The following DBR1 variants were observed in gnomAD, a reference collection of about 807,000 sequenced individuals.
DBR1 encodes the protein lariat debranching enzyme.
A neutral mutation model predicts 45.9 loss-of-function variants in DBR1; 33 were observed. The observed-to-expected ratio is 0.72, with a 90% CI of 0.55 to 0.96. The LOEUF (loss-of-function observed/expected upper bound fraction) is 0.96, where lower values mean the gene tolerates loss of function less well. DBR1 is among the 40% of genes least tolerant of loss of function. The probability of loss-of-function intolerance (pLI) is 0.00; values close to 1 mark genes in which losing one functional copy is unlikely to be tolerated. For missense variants in DBR1, 619 were observed against 667.4 expected (o/e 0.93, Z 0.80); for synonymous variants, 235 against 235.9 (o/e 1.00, Z 0.04).
At chr3:138,173,684 G>C (rs2107906951) in intron 1 of DBR1, 58 bp from the exon 2 acceptor site, 1 of 1,450,060 alleles carries the variant, frequency 6.9e-7, no homozygotes, top group Non-Finnish European at 9.2e-7. Context: ...AAGCAAATAA[G>C]TTCCGAAAAA....
intron 5 of DBR1, among the ~76,000 whole-genome samples, chr3:138,165,134 G>A (rs2042924510): frequency 6.6e-6 from 1 of 152,138 alleles, no homozygotes; most frequent in South Asian, 2.1e-4. Context: ...AGGCAGTTGT[G>A]ATCTTGTTCC....
Position 138,162,272 on chromosome 3 carries a change from T to G in DBR1, c.1252A>C (p.Thr418Pro). Residue 418 changes from threonine to proline, a missense_variant, in exon 8 of 8, where the codon ACA becomes CCA. Thr to Pro is a conservative substitution (Grantham distance 38, BLOSUM62 -1). Around this residue, in one of 3 missense-constraint regions of DBR1, gnomAD observed 182 missense variants for 196.1 expected, o/e 0.93. Transcript: ENST00000260803. The stretch of plus-strand genomic sequence containing the variant: ...GGATTAATAGAAGACAGAGCAGATG[T>G]GTCTGTATTATATTCACTCTGGTCT... ...GEDQSEYNTD[T>P]SALSSINPDE... 1 of 1,613,944 alleles carries G rather than the reference T, an allele frequency of 6.2e-7. No homozygotes were observed. The highest frequency in any genetic ancestry group is 1.1e-5 in the South Asian group (1 of 91,082).
chr3:138,161,804 C>T lies in DBR1; in HGVS notation c.*85G>A. ...GAGGTTGCGGTGAGCCGAGATCACG[C>T]CATTGCACTCCAGTCTAGGTGACAA... On this transcript the variant is annotated 3_prime_UTR_variant, in exon 8 of 8. Transcript: ENST00000260803. 1 of 1,090,772 alleles carries T rather than the reference C, an allele frequency of 9.2e-7. No individual in the cohort carries two copies. Among genetic ancestry groups the T allele is most frequent in the South Asian group, 1.4e-5 (1 of 71,370 alleles). The allele number at this position is 1,090,772 out of a possible 1,614,324, so 67.6% of individuals were successfully genotyped here.
chr3:138,173,971 A>G (rs940642136), intron 1 of DBR1, among the ~76,000 whole-genome samples: 1 of 150,308 alleles, frequency 6.7e-6, no homozygotes, highest in African/African-American at 2.5e-5. Flanking sequence ...CAGTGGGTCA[A>G]TATCGCGGTA....
At chr3:138,168,646 A>G (rs116084832) in intron 4 of DBR1, among the ~76,000 whole-genome samples, 292 of 152,030 alleles carry the variant, frequency 1.9e-3, no homozygotes, top group African/African-American at 6.7e-3. Context: ...AAACTAGGGT[A>G]ATGACTCTAA....
At position 138,167,445 on chromosome 3, in the gene DBR1, T is replaced by G. The variant is rs543492052; in HGVS notation, c.490-140A>C. ...TCTGTATAATTCATTCTAAGGACACTTTAAGAGAGTGATAAAAATACTAGG... is the reference window on the plus strand; with the variant it reads ...TCTGTATAATTCATTCTAAGGACACGTTAAGAGAGTGATAAAAATACTAGG... On this transcript the variant is annotated intron_variant, in intron 4 of 7. Transcript: ENST00000260803. 1.0e-4 allele frequency: 63 copies of G among 617,472 alleles called. 1 individual carries two copies. In the South Asian group the frequency reaches 1.3e-3, roughly 12 times the overall value. 38.2% of individuals were successfully genotyped at this position (617,472 alleles called of 1,614,324 possible).
rs1268120876 is a variant in DBR1 at position 138,162,539 on chromosome 3, C to T, written c.985G>A (p.Glu329Lys). Residue 329 changes from glutamate to lysine, a missense_variant, in exon 8 of 8, where the codon GAA (glutamate) becomes AAA (lysine). Physicochemically the swap from Glu to Lys is moderately conservative, Grantham distance 56. This residue lies in a region of DBR1 where 430 missense variants were observed against 447.7 expected (regional missense o/e 0.96). Transcript: ENST00000260803. ...ACCTTGAGATCATGATTCAATTTTT[C>T]CAATACTTCTTTCATACCTTCTTCT... ...ATEEGMKEVL[E>K]KLNHDLKVPC... is the part of the protein sequence containing the mutation. 1 of 1,613,060 alleles carries T rather than the reference C, an allele frequency of 6.2e-7. No homozygotes were observed. The highest frequency in any genetic ancestry group is 1.1e-5 in the South Asian group (1 of 91,074).
chr3:138,165,802 A>AT (rs2042927887), intron 5 of DBR1, among the ~76,000 whole-genome samples: 2 of 152,314 alleles, frequency 1.3e-5, no homozygotes, highest in Non-Finnish European at 2.9e-5. Context: ...AGGAAAAGTG[A>AT]TCTCTGGTGT....
chr3:138,173,469 G>T (rs769388325), intron 2 of DBR1, 33 bp downstream of exon 2: 2 of 1,607,306 alleles, frequency 1.2e-6, no homozygotes, highest in East Asian at 4.5e-5. Flanking sequence ...TCCATCCCAG[G>T]AAAAAAAAGT....
intron 5 of DBR1, among the ~76,000 whole-genome samples, chr3:138,164,538 A>G (rs1228770523): frequency 6.6e-6 from 1 of 152,234 alleles, no homozygotes; most frequent in African/African-American, 2.4e-5. Context: ...GGCACAAAGG[A>G]TCTTTGGGGG....
chr3:138,161,861 A>C lies in DBR1; in HGVS notation c.*28T>G, dbSNP rs2042908863. The stretch of plus-strand genomic sequence containing the variant: ...AACTCCATCTCAAAAAAACAAAACA[A>C]ACACAAAAACAAAACAAGTAAATCA... On this transcript the variant is annotated 3_prime_UTR_variant, in exon 8 of 8. Transcript: ENST00000260803. 1.1e-5 allele frequency: 17 copies of C among 1,579,444 alleles called. No homozygotes were observed. Among genetic ancestry groups the C allele is most frequent in the Non-Finnish European group, 1.5e-5 (17 of 1,151,518 alleles).
At chr3:138,164,085 CA>C in intron 5 of DBR1, 1 of 354,722 alleles carries the variant, frequency 2.8e-6, no homozygotes, top group Non-Finnish European at 5.2e-6. Context: ...AAATTCAAGG[CA>C]AAAACTAATG....
In DBR1 at chr3:138,174,642, T is replaced by G; in HGVS notation, c.154A>C (p.Met52Leu). Residue 52 changes from methionine to leucine, a missense_variant, in exon 1 of 8, where the codon ATG becomes CTG. By Grantham distance (15) the Met-to-Leu change is conservative. Coordinates refer to ENST00000260803, the MANE Select transcript of DBR1 (RefSeq NM_016216.4). ...AVRNEADLRC[M>L]AVPPKYRHMQ... ...TGACGATACTTGGGCGGCACGGCCA[T>G]GCAGCGTAGATCCGCCTCGTTGCGC... 4 of 1,584,906 alleles carry G rather than the reference T, an allele frequency of 2.5e-6. No individual in the cohort carries two copies. Among genetic ancestry groups the G allele is most frequent in the Non-Finnish European group, 3.4e-6 (4 of 1,160,962 alleles).
At chr3:138,168,937 T>C (rs555656805) in intron 4 of DBR1, among the ~76,000 whole-genome samples, 2 of 151,752 alleles carry the variant, frequency 1.3e-5, no homozygotes, top group South Asian at 4.2e-4. Flanking sequence ...CACTCCAGCC[T>C]GGGTGACAGA....
chr3:138,173,331 A>G (rs2042963536), intron 2 of DBR1, among the ~76,000 whole-genome samples, 171 bp downstream of exon 2: 1 of 152,248 alleles, frequency 6.6e-6, no homozygotes, highest in African/African-American at 2.4e-5. Flanking sequence ...GCATATTTTC[A>G]TGATCAACCA....
chr3:138,171,475 C>CAAAAAAAAAAAAAAAA (rs906867666), intron 3 of DBR1, 158 bp downstream of exon 3: 12 of 69,586 alleles, frequency 1.7e-4, no homozygotes, highest in Admixed American at 3.7e-4. Context: ...AACTCTGTCT[C>CAAAAAAAAAAAAAAAA]AAAAAAAAAA....
chr3:138,162,630 C>T, intron 7 of DBR1, 48 bp from the exon 8 acceptor site: 2 of 1,435,444 alleles, frequency 1.4e-6, no homozygotes, highest in South Asian at 2.6e-5. Flanking sequence ...CAGCTCTAAA[C>T]AATAAATGAT....
Position 138,161,851 on chromosome 3 carries a change from A to G in DBR1, c.*38T>C, listed in dbSNP as rs755906124. 6 of 1,544,668 alleles carry G rather than the reference A, an allele frequency of 3.9e-6. No individual in the cohort carries two copies. In the Admixed American group the frequency reaches 1.0e-4, roughly 26 times the overall value. ...ACAAGAGTGAAACTCCATCTCAAAA[A>G]AACAAAACAAACACAAAAACAAAAC... On this transcript the variant is annotated 3_prime_UTR_variant, in exon 8 of 8. Transcript: ENST00000260803.
chr3:138,164,629 T>G (rs1396524562), intron 5 of DBR1, among the ~76,000 whole-genome samples: 1 of 152,176 alleles, frequency 6.6e-6, no homozygotes, highest in Non-Finnish European at 1.5e-5. Context: ...ATTGTTCACT[T>G]AAAATGTGGT....
Sources: allele counts gnomAD v4.1 joint callset (sites outside exome capture counted in the v4.1 genomes callset), GRCh38; gene constraint gnomAD v4.1.1; regional missense constraint gnomAD v4.1.1; transcripts MANE v1.5; gene names NCBI Gene and HGNC (gene_info 2026-07-23, HGNC 2026-07-21).